Variants in PRR5L observed in about 807,000 individuals in gnomAD.
PRR5L encodes the protein proline-rich protein 5-like.
PRR5L carries 21 observed loss-of-function variants against 36.4 expected under a neutral mutation model. That is an observed-to-expected ratio of 0.58 (90% confidence interval 0.41 to 0.83). PRR5L has a LOEUF of 0.83. Among genes scored for constraint, PRR5L ranks in the 40% least tolerant of loss-of-function variants. The probability of loss-of-function intolerance (pLI) is 0.00; values close to 1 mark genes in which losing one functional copy is unlikely to be tolerated. For synonymous variants in PRR5L, 188 were observed against 197.0 expected, an observed-to-expected ratio of 0.95 and a Z score of 0.38; for missense variants, 381 against 473.3, an observed-to-expected ratio of 0.80 and a Z score of 1.81.
chr11:36,298,627 C>G (rs1395010015), intron 1 of PRR5L, among the ~76,000 whole-genome samples: 1 of 152,214 alleles, frequency 6.6e-6, no homozygotes, highest in Non-Finnish European at 1.5e-5. Flanking sequence ...ATGGATGAAG[C>G]TTCGTGCTCT....
chr11:36,442,556 G>T (rs1230759924), intron 6 of PRR5L, among the ~76,000 whole-genome samples: 6 of 152,092 alleles, frequency 3.9e-5, no homozygotes, highest in Non-Finnish European at 8.8e-5. Flanking sequence ...TGGCTAGGCT[G>T]GTCTCAAACT....
At chr11:36,330,254 G>C (rs577185326) in intron 1 of PRR5L, among the ~76,000 whole-genome samples, 2 of 152,196 alleles carry the variant, frequency 1.3e-5, no homozygotes, top group East Asian at 3.9e-4. Context: ...AGAGAAAGGG[G>C]TTCCTTATAT....
At chr11:36,315,825 A>G (rs1856550018) in intron 1 of PRR5L, among the ~76,000 whole-genome samples, 1 of 152,264 alleles carries the variant, frequency 6.6e-6, no homozygotes, top group Non-Finnish European at 1.5e-5. Context: ...ATAATTAGAC[A>G]TAAACGCAGT....
chr11:36,373,516 T>C (rs1406277126), intron 1 of PRR5L, among the ~76,000 whole-genome samples: 3 of 151,700 alleles, frequency 2.0e-5, no homozygotes, highest in African/African-American at 4.8e-5. Context: ...AAAGGCTCAG[T>C]TGAGCCCAGA....
At chr11:36,302,132 G>A (rs1435997790) in intron 1 of PRR5L, among the ~76,000 whole-genome samples, 1 of 152,198 alleles carries the variant, frequency 6.6e-6, no homozygotes, top group Non-Finnish European at 1.5e-5. Flanking sequence ...ATACAAAGTA[G>A]CAAGCGCATT....
At chr11:36,440,287 AG>A (rs1453175795) in intron 6 of PRR5L, among the ~76,000 whole-genome samples, 1 of 152,210 alleles carries the variant, frequency 6.6e-6, no homozygotes, top group Non-Finnish European at 1.5e-5. Context: ...TATTGGAGCC[AG>A]TTCTAACATA....
intron 1 of PRR5L, among the ~76,000 whole-genome samples, chr11:36,371,785 A>G (rs1857199346): frequency 6.6e-6 from 1 of 152,168 alleles, no homozygotes; most frequent in Non-Finnish European, 1.5e-5. Context: ...TGGGCTGGGC[A>G]TGGTGGTTTA....
chr11:36,417,775 C>G (rs1190336978), intron 3 of PRR5L, among the ~76,000 whole-genome samples: 2 of 152,198 alleles, frequency 1.3e-5, no homozygotes, highest in African/African-American at 4.8e-5. Flanking sequence ...GTTTATCCTT[C>G]AGTGACATGA....
chr11:36,366,882 C>T (rs1211495193), intron 1 of PRR5L, among the ~76,000 whole-genome samples: 1 of 152,140 alleles, frequency 6.6e-6, no homozygotes, highest in Non-Finnish European at 1.5e-5. Flanking sequence ...CTCCTCTCTC[C>T]TTCTTTCTCC....
At chr11:36,352,224 T>C (rs912735293) in intron 1 of PRR5L, among the ~76,000 whole-genome samples, 5 of 152,210 alleles carry the variant, frequency 3.3e-5, no homozygotes, top group Admixed American at 2.6e-4. Context: ...CATTTGTATA[T>C]CTTCTTTTGA....
At chr11:36,370,880 C>CAAAA (rs566607958) in intron 1 of PRR5L, among the ~76,000 whole-genome samples, 3,614 of 118,066 alleles carry the variant, frequency 0.031, 319 homozygotes, top group African/African-American at 0.11. Flanking sequence ...GACTCCATCT[C>CAAAA]AAAAAAAAAA....
At chr11:36,373,050 T>G (rs1281468017) in intron 1 of PRR5L, among the ~76,000 whole-genome samples, 3 of 151,964 alleles carry the variant, frequency 2.0e-5, no homozygotes, top group Non-Finnish European at 2.9e-5. Flanking sequence ...GTGTACTTTT[T>G]GGGGCCAAAA....
chr11:36,324,483 A>C (rs1856641213), intron 1 of PRR5L, among the ~76,000 whole-genome samples: 1 of 152,208 alleles, frequency 6.6e-6, no homozygotes, highest in African/African-American at 2.4e-5. Context: ...GTGTGTACAT[A>C]TGTAGAAAAA....
intron 1 of PRR5L, among the ~76,000 whole-genome samples, chr11:36,386,254 C>G (rs1194839672): frequency 6.6e-6 from 1 of 151,698 alleles, no homozygotes; most frequent in East Asian, 1.9e-4. Context: ...CCACCATACT[C>G]CAGCCTGGGT....
At chr11:36,392,216 G>C (rs984657736) in intron 1 of PRR5L, among the ~76,000 whole-genome samples, 1 of 152,158 alleles carries the variant, frequency 6.6e-6, no homozygotes, top group African/African-American at 2.4e-5. Context: ...CCATTCGTCT[G>C]TTGATGGACA....
In PRR5L at chr11:36,353,969, A is replaced by G. The variant is rs1398160256; in HGVS notation, c.-125-47028A>G. 2.6e-5 allele frequency among the ~76,000 whole-genome samples: 4 copies of G among 152,140 alleles called. No homozygotes were observed. In the South Asian group the frequency reaches 8.3e-4, roughly 31 times the overall value. ...CCATGGAGAAAGGGAAAAAGGAGAG[A>G]AGCCAGAGGAGACAAAGAATCAATA... On this transcript the variant is annotated intron_variant, in intron 1 of 8. Coordinates refer to ENST00000530639, the MANE Select transcript of PRR5L (RefSeq NM_001160167.2).
chr11:36,345,389 G>A (rs562070997), intron 1 of PRR5L, among the ~76,000 whole-genome samples: 2 of 152,252 alleles, frequency 1.3e-5, no homozygotes, highest in South Asian at 2.1e-4. Flanking sequence ...TGTGTAACCC[G>A]CCGTAGGGAA....
At chr11:36,391,436 A>G (rs992968932) in intron 1 of PRR5L, among the ~76,000 whole-genome samples, 6 of 152,074 alleles carry the variant, frequency 3.9e-5, no homozygotes, top group Admixed American at 3.3e-4. Flanking sequence ...TTTTGATGAA[A>G]CTCATATAAG....
At chr11:36,386,076 A>C (rs1857451466) in intron 1 of PRR5L, among the ~76,000 whole-genome samples, 1 of 152,220 alleles carries the variant, frequency 6.6e-6, no homozygotes, top group Non-Finnish European at 1.5e-5. Flanking sequence ...TGGAAGGATC[A>C]CTTGAGGCCA....
Sources: allele counts gnomAD v4.1 joint callset (sites outside exome capture counted in the v4.1 genomes callset), GRCh38; gene constraint gnomAD v4.1.1; transcripts MANE v1.5; gene names NCBI Gene and HGNC (gene_info 2026-07-23, HGNC 2026-07-21).